The following ZNF208 variants were observed in gnomAD, a reference collection of about 807,000 sequenced individuals.
The protein encoded by ZNF208 is zinc finger protein 95.
Under a neutral mutation model 12.1 loss-of-function variants are expected in ZNF208, and 10 were observed. That is an observed-to-expected ratio of 0.83 (90% confidence interval 0.51 to 1.40). The LOEUF is 1.40. Ranked by LOEUF, ZNF208 falls within the 40% of genes most tolerant of loss-of-function variation. ZNF208 has a pLI of 0.00. For missense variants in ZNF208, 1,652 were observed against 1,485.0 expected (o/e 1.11, Z -1.85); for synonymous variants, 497 against 488.4 (o/e 1.02, Z -0.23).
At chr19:22,001,801 G>T (rs1444215116) in intron 1 of ZNF208, among the ~76,000 whole-genome samples, 2 of 145,134 alleles carry the variant, frequency 1.4e-5, no homozygotes, top group African/African-American at 5.1e-5. Context: ...GCTGAGGCAG[G>T]AGAATCACTT....
Position 21,966,521 on chromosome 19 carries a change from G to A in ZNF208, c.*4670C>T, listed in dbSNP as rs1970171230. The A allele has an allele frequency of 6.6e-6, 1 of 152,082 alleles. No homozygotes were observed. The highest frequency in any genetic ancestry group is 1.5e-5 in the Non-Finnish European group (1 of 67,992). 9.4% of individuals were successfully genotyped at this position (152,082 alleles called of 1,614,324 possible). A position where few individuals can be genotyped will look rare whatever the true frequency, so the allele number is the denominator to read the frequency against. Reference sequence around the variant, plus strand: ...TCCAATAAAAGATTCATGGGTAACTGGTTAAATTCTGTTTTTGCTATTGTG... The same window carrying A: ...TCCAATAAAAGATTCATGGGTAACTAGTTAAATTCTGTTTTTGCTATTGTG... On this transcript the variant is annotated 3_prime_UTR_variant, in exon 4 of 4. Coordinates refer to ENST00000397126, the MANE Select transcript of ZNF208 (RefSeq NM_007153.3).
chr19:22,003,115 A>C (rs886813625), intron 1 of ZNF208, among the ~76,000 whole-genome samples: 8 of 152,204 alleles, frequency 5.3e-5, no homozygotes, highest in Admixed American at 5.2e-4. Flanking sequence ...TATTTAATAA[A>C]TGGTGCTAGA....
chr19:21,999,918 C>A (rs894339093), intron 1 of ZNF208, among the ~76,000 whole-genome samples: 1 of 152,128 alleles, frequency 6.6e-6, no homozygotes, highest in Non-Finnish European at 1.5e-5. Context: ...TTTTGTCTTA[C>A]AACAGCCAGG....
rs189466872 is a variant in ZNF208 at position 21,956,848 on chromosome 19, C to G, written c.305+17881G>C. ...TCCATAGGCTGCACCCACTGTCCAA[C>G]AAGCCCCAGTGAGATGAACCCAGTA... On this transcript the variant is annotated intron_variant, in intron 4 of 4. Coordinates refer to the ZNF208 transcript ENST00000599916. Among the ~76,000 whole-genome samples, 3 of 152,312 alleles carry G rather than the reference C, an allele frequency of 2.0e-5. No homozygotes were observed. The East Asian group carries it at 5.8e-4, about 29-fold the overall frequency.
chr19:21,979,878 G>A (rs1276267665), intron 3 of ZNF208, among the ~76,000 whole-genome samples: 1 of 152,076 alleles, frequency 6.6e-6, no homozygotes, highest in Non-Finnish European at 1.5e-5. Context: ...AGTTATGGAG[G>A]AATATTTACC....
intron 1 of ZNF208, among the ~76,000 whole-genome samples, chr19:21,995,654 G>T (rs1275885196): frequency 6.6e-6 from 1 of 152,184 alleles, no homozygotes; most frequent in Non-Finnish European, 1.5e-5. Flanking sequence ...TGTCCGTCCT[G>T]ATTTGCTAGC....
At chr19:22,001,150 TG>T (rs879912321) in intron 1 of ZNF208, among the ~76,000 whole-genome samples, 16 of 152,118 alleles carry the variant, frequency 1.1e-4, no homozygotes, top group African/African-American at 3.4e-4. Context: ...CCAGGCATAG[TG>T]GTGCATGCCT....
intron 1 of ZNF208, chr19:21,991,640 TGAGGCAGGAGAATCGCTTGAACCCGC>T (rs1379874521): frequency 6.7e-6 from 1 of 149,660 alleles, no homozygotes; most frequent in Admixed American, 6.8e-5. Context: ...CTCAGGAGGC[TGAGGCAGGAGAATCGCTTGAACCCGC>T]GAGGCAGAGG....
intron 4 of ZNF208, among the ~76,000 whole-genome samples, chr19:21,960,953 T>G (rs975100872): frequency 9.2e-5 from 14 of 151,994 alleles, no homozygotes; most frequent in African/African-American, 3.4e-4. Flanking sequence ...TATGATGATC[T>G]ACTTCCACTT....
At chr19:21,951,606 T>A (rs1606063) in intron 4 of ZNF208, among the ~76,000 whole-genome samples, 50,630 of 152,138 alleles carry the variant, frequency 0.33, 9,752 homozygotes, top group East Asian at 0.5. Flanking sequence ...CAACAAAGCT[T>A]TCTTAAGATG....
chr19:22,002,771 TTAAA>T (rs1970974643), intron 1 of ZNF208, among the ~76,000 whole-genome samples: 1 of 152,212 alleles, frequency 6.6e-6, no homozygotes, highest in Non-Finnish European at 1.5e-5. Flanking sequence ...GTCATACTGC[TTAAA>T]TAAATTTACA....
intron 1 of ZNF208, among the ~76,000 whole-genome samples, chr19:22,005,640 T>C (rs1316845040): frequency 6.6e-6 from 1 of 152,224 alleles, no homozygotes; most frequent in Non-Finnish European, 1.5e-5. Context: ...GGCTCATCTA[T>C]GCTTCTGACC....
intron 3 of ZNF208, among the ~76,000 whole-genome samples, chr19:21,981,475 T>C (rs1970536769): frequency 6.6e-6 from 1 of 152,088 alleles, no homozygotes; most frequent in South Asian, 2.1e-4. Context: ...ATTATCTCAA[T>C]AGATGCATAA....
intron 1 of ZNF208, among the ~76,000 whole-genome samples, chr19:21,996,729 A>G (rs1306627634): frequency 1.3e-5 from 2 of 152,210 alleles, no homozygotes; most frequent in African/African-American, 4.8e-5. Context: ...TACTCAGTGC[A>G]CATATTTTAC....
intron 1 of ZNF208, among the ~76,000 whole-genome samples, chr19:22,005,315 T>C (rs756012096): frequency 1.3e-5 from 2 of 152,156 alleles, no homozygotes; most frequent in African/African-American, 2.4e-5. Flanking sequence ...ATCAGATCTC[T>C]TTTAAGTTTT....
chr19:21,986,716 A>C (rs1304284715), intron 3 of ZNF208: 2 of 243,894 alleles, frequency 8.2e-6, no homozygotes, highest in African/African-American at 4.4e-5. Context: ...AGAAAAAAGC[A>C]GAAGGACATC....
intron 1 of ZNF208, among the ~76,000 whole-genome samples, chr19:21,999,617 T>G (rs1970905438): frequency 6.6e-6 from 1 of 152,232 alleles, no homozygotes; most frequent in Middle Eastern, 3.4e-3. Flanking sequence ...TTTATGCTCT[T>G]GAAATGAACT....
intron 2 of ZNF208, among the ~76,000 whole-genome samples, chr19:21,988,052 C>A (rs1020397586): frequency 2.0e-5 from 3 of 152,022 alleles, no homozygotes; most frequent in Admixed American, 1.3e-4. Context: ...TTAGAAAATT[C>A]TCTAATTTTG....
intron 1 of ZNF208, among the ~76,000 whole-genome samples, chr19:22,003,983 A>G (rs1349902370): frequency 6.6e-6 from 1 of 152,012 alleles, no homozygotes; most frequent in Non-Finnish European, 1.5e-5. Context: ...GGCATGGACA[A>G]CATGGCAAAA....
Sources: gnomAD v4.1 joint callset for allele counts (sites outside exome capture counted in the v4.1 genomes callset) on GRCh38, gnomAD v4.1.1 for gene constraint, MANE v1.5 for transcripts, NCBI Gene and HGNC (gene_info 2026-07-23, HGNC 2026-07-21) for gene names.